ATP6V1H: variants seen among roughly 807,000 people sequenced by gnomAD.
The protein encoded by ATP6V1H is ATPase H+ transporting V1 subunit H.
ATP6V1H carries 39 observed loss-of-function variants against 71.7 expected under a neutral mutation model. The ratio of observed to expected loss-of-function variants is 0.54; its 90% CI spans 0.42 to 0.71. The LOEUF is 0.71. ATP6V1H is among the 30% of genes least tolerant of loss of function. The pLI is 0.00. For synonymous variants in ATP6V1H, 192 were observed against 199.3 expected, an observed-to-expected ratio of 0.96 and a Z score of 0.31; for missense variants, 509 against 594.9, an observed-to-expected ratio of 0.86 and a Z score of 1.50.
intron 12 of ATP6V1H, among the ~76,000 whole-genome samples, chr8:53,756,018 A>G (rs1243597730): frequency 1.4e-5 from 2 of 143,922 alleles, no homozygotes; most frequent in Non-Finnish European, 3.0e-5. Context: ...CGGCCTCCCA[A>G]AGTGCTGGGA....
chr8:53,820,526 A>G (rs1053159148), intron 4 of ATP6V1H, among the ~76,000 whole-genome samples: 1 of 151,834 alleles, frequency 6.6e-6, no homozygotes, highest in Non-Finnish European at 1.5e-5. Flanking sequence ...AATTAGCAAG[A>G]TGTGGTGGTA....
intron 9 of ATP6V1H, among the ~76,000 whole-genome samples, chr8:53,775,723 G>A (rs1382725312): frequency 1.3e-5 from 2 of 152,134 alleles, no homozygotes; most frequent in African/African-American, 2.4e-5. Flanking sequence ...GTCGATTGGT[G>A]CACTCACAAA....
intron 11 of ATP6V1H, among the ~76,000 whole-genome samples, chr8:53,761,792 C>T (rs575695417): frequency 1.3e-5 from 2 of 152,216 alleles, no homozygotes; most frequent in East Asian, 3.9e-4. Flanking sequence ...GATAGGTGGG[C>T]CTAAAAATGC....
chr8:53,741,365 A>G (rs988092786), intron 13 of ATP6V1H, among the ~76,000 whole-genome samples: 10 of 152,210 alleles, frequency 6.6e-5, no homozygotes, highest in African/African-American at 2.4e-4. Flanking sequence ...AAAACAAGAA[A>G]ACCACTAACC....
intron 9 of ATP6V1H, among the ~76,000 whole-genome samples, chr8:53,786,894 C>T (rs756819945): frequency 4.6e-5 from 7 of 152,138 alleles, no homozygotes; most frequent in Non-Finnish European, 1.0e-4. Context: ...AGCAGTGTTT[C>T]GAAAACCATC....
At chr8:53,812,020 C>T (rs1409699186) in intron 6 of ATP6V1H, among the ~76,000 whole-genome samples, 1 of 151,486 alleles carries the variant, frequency 6.6e-6, no homozygotes, top group African/African-American at 2.5e-5. Context: ...AAAAAAGAGA[C>T]ACTCTAGATG....
chr8:53,820,620 T>C, intron 4 of ATP6V1H, among the ~76,000 whole-genome samples: 1 of 148,208 alleles, frequency 6.7e-6, no homozygotes, highest in African/African-American at 2.5e-5. Context: ...TGAGCTATAA[T>C]GGCGCCATTG....
intron 7 of ATP6V1H, among the ~76,000 whole-genome samples, chr8:53,805,881 A>G (rs1028605272): frequency 6.6e-6 from 1 of 152,204 alleles, no homozygotes; most frequent in Non-Finnish European, 1.5e-5. Context: ...GCTCAGACAC[A>G]TAAGAATTTA....
At chr8:53,813,496 C>A (rs1038331616) in intron 6 of ATP6V1H, among the ~76,000 whole-genome samples, 4 of 152,144 alleles carry the variant, frequency 2.6e-5, no homozygotes, top group African/African-American at 9.7e-5. Flanking sequence ...TATTGTTTCT[C>A]CTGGTCCCAT....
intron 9 of ATP6V1H, among the ~76,000 whole-genome samples, chr8:53,775,364 G>A (rs945320732): frequency 6.6e-6 from 1 of 152,224 alleles, no homozygotes; most frequent in African/African-American, 2.4e-5. Context: ...GGGGACCGGA[G>A]CGGGTTGCCA....
chr8:53,816,588 G>A (rs1810458275), intron 5 of ATP6V1H, among the ~76,000 whole-genome samples: 1 of 152,078 alleles, frequency 6.6e-6, no homozygotes, highest in South Asian at 2.1e-4. Flanking sequence ...ACAAGGTCAG[G>A]AGTTCAAGAC....
intron 9 of ATP6V1H, among the ~76,000 whole-genome samples, chr8:53,778,621 T>C (rs770965847): frequency 1.3e-5 from 2 of 151,390 alleles, no homozygotes; most frequent in African/African-American, 2.5e-5. Flanking sequence ...TTTTAAAGGA[T>C]GCACTTAACC....
chr8:53,809,715 TTG>T (rs1356454458), intron 7 of ATP6V1H, among the ~76,000 whole-genome samples: 6 of 152,224 alleles, frequency 3.9e-5, no homozygotes, highest in African/African-American at 1.4e-4. Flanking sequence ...TTAAATAAGT[TTG>T]TAAGTCTAAA....
chr8:53,840,449 G>A (rs1362064779), intron 2 of ATP6V1H, among the ~76,000 whole-genome samples: 1 of 151,086 alleles, frequency 6.6e-6, no homozygotes, highest in Non-Finnish European at 1.5e-5. Flanking sequence ...AGTGAGCCAA[G>A]ACTGCCCCAC....
intron 11 of ATP6V1H, among the ~76,000 whole-genome samples, chr8:53,759,227 T>C (rs1057137049): frequency 1.3e-5 from 2 of 152,234 alleles, no homozygotes; most frequent in Non-Finnish European, 2.9e-5. Context: ...ATTTTAATTG[T>C]TACCCTTCAG....
intron 4 of ATP6V1H, among the ~76,000 whole-genome samples, chr8:53,819,405 G>A (rs1166316338): frequency 6.7e-6 from 1 of 150,064 alleles, no homozygotes; most frequent in African/African-American, 2.4e-5. Flanking sequence ...GGCGGCATGT[G>A]CCTGTAGTCT....
At chr8:53,827,245 T>C (rs766547035) in intron 4 of ATP6V1H, among the ~76,000 whole-genome samples, 1 of 150,874 alleles carries the variant, frequency 6.6e-6, no homozygotes, top group Non-Finnish European at 1.5e-5. Context: ...TAGCCAGGCA[T>C]GGTGACAGGC....
chr8:53,831,978 T>C (rs1315828843), intron 3 of ATP6V1H: 2 of 152,038 alleles, frequency 1.3e-5, no homozygotes, highest in African/African-American at 4.8e-5. Context: ...GTAGCCAAAA[T>C]ATGCAACAGT....
At chr8:53,762,314 T>A (rs1808298646) in intron 11 of ATP6V1H, among the ~76,000 whole-genome samples, 1 of 151,552 alleles carries the variant, frequency 6.6e-6, no homozygotes, top group South Asian at 2.1e-4. Flanking sequence ...GACAACAGTG[T>A]AACATTATCC....
Sources: allele counts gnomAD v4.1 joint callset (sites outside exome capture counted in the v4.1 genomes callset), GRCh38; gene constraint gnomAD v4.1.1; transcripts MANE v1.5; gene names NCBI Gene and HGNC (gene_info 2026-07-23, HGNC 2026-07-21).